Variants in SORCS3 observed in about 807,000 individuals in gnomAD.
SORCS3 encodes the protein VPS10 domain-containing receptor SorCS3.
Under a neutral mutation model 146.3 loss-of-function variants are expected in SORCS3, and 57 were observed. The observed-to-expected ratio is 0.39, with a 90% confidence interval of 0.31 to 0.49. SORCS3 has a LOEUF of 0.49. Ranked by LOEUF, SORCS3 falls within the 20% of genes least tolerant of loss-of-function variation. The pLI is 0.92. For synonymous variants in SORCS3, 653 were observed against 618.5 expected (o/e 1.06, Z -0.83); for missense variants, 1,341 against 1,575.5 (o/e 0.85, Z 2.52).
chr10:105,196,254 C>T (rs933269807), intron 14 of SORCS3, among the ~76,000 whole-genome samples: 2 of 152,160 alleles, frequency 1.3e-5, no homozygotes, highest in Admixed American at 1.3e-4. Context: ...AATTTCTATG[C>T]TTACTAACTT....
At chr10:104,807,023 G>A (rs1037320326) in intron 1 of SORCS3, among the ~76,000 whole-genome samples, 1 of 151,894 alleles carries the variant, frequency 6.6e-6, no homozygotes, top group Non-Finnish European at 1.5e-5. Context: ...ATTCTTTAGA[G>A]TACATCCTAA....
chr10:104,667,182 G>C (rs567206236), intron 1 of SORCS3, among the ~76,000 whole-genome samples: 2 of 152,184 alleles, frequency 1.3e-5, no homozygotes, highest in Non-Finnish European at 2.9e-5. Flanking sequence ...TTGGGACAAG[G>C]CTCTGAACCT....
At chr10:104,696,329 A>AG (rs2016190596) in intron 1 of SORCS3, among the ~76,000 whole-genome samples, 2 of 68,634 alleles carry the variant, frequency 2.9e-5, no homozygotes, top group Non-Finnish European at 4.9e-5. Flanking sequence ...TATCATATAC[A>AG]CATATGATAT....
chr10:105,095,589 G>T (rs1224081507), intron 6 of SORCS3, among the ~76,000 whole-genome samples: 1 of 152,066 alleles, frequency 6.6e-6, no homozygotes, highest in African/African-American at 2.4e-5. Flanking sequence ...CCTGGTAGAG[G>T]GTTGCACTGC....
intron 2 of SORCS3, among the ~76,000 whole-genome samples, chr10:104,860,466 GC>G (rs1195808838): frequency 6.8e-6 from 1 of 146,716 alleles, no homozygotes; most frequent in African/African-American, 2.5e-5. Context: ...TATACCTAAT[GC>G]TAAATGACGA....
intron 11 of SORCS3, among the ~76,000 whole-genome samples, chr10:105,162,831 G>T (rs1163328968): frequency 6.6e-6 from 1 of 152,142 alleles, no homozygotes; most frequent in Non-Finnish European, 1.5e-5. Context: ...GAGCAACAGT[G>T]CTCCTGCCTC....
At chr10:104,675,695 T>C (rs947423930) in intron 1 of SORCS3, among the ~76,000 whole-genome samples, 1 of 152,210 alleles carries the variant, frequency 6.6e-6, no homozygotes, top group Admixed American at 6.5e-5. Context: ...TTTGTGAACT[T>C]TCTATTTGGT....
chr10:104,746,223 G>A (rs1172724620), intron 1 of SORCS3, among the ~76,000 whole-genome samples: 3 of 149,568 alleles, frequency 2.0e-5, no homozygotes, highest in Admixed American at 6.7e-5. Flanking sequence ...TGCAAGCTCC[G>A]CCTCCCAGGT....
chr10:105,112,779 AT>A (rs2055867023), intron 7 of SORCS3, among the ~76,000 whole-genome samples: 1 of 152,132 alleles, frequency 6.6e-6, no homozygotes, highest in Non-Finnish European at 1.5e-5. Flanking sequence ...GAGGCAGATT[AT>A]TTTTTATTCC....
intron 5 of SORCS3, among the ~76,000 whole-genome samples, chr10:105,054,411 A>T (rs2055432760): frequency 6.6e-6 from 1 of 151,804 alleles, no homozygotes; most frequent in Non-Finnish European, 1.5e-5. Flanking sequence ...TTAGATATAT[A>T]TAAAAGGCAT....
At chr10:104,805,069 C>T (rs1034444152) in intron 1 of SORCS3, among the ~76,000 whole-genome samples, 2 of 152,188 alleles carry the variant, frequency 1.3e-5, no homozygotes, top group Non-Finnish European at 2.9e-5. Context: ...ACCTCACTCA[C>T]ACATAATGAA....
chr10:105,261,238 T>C (rs1173353579), intron 25 of SORCS3, among the ~76,000 whole-genome samples: 1 of 152,130 alleles, frequency 6.6e-6, no homozygotes, highest in African/African-American at 2.4e-5. Flanking sequence ...ATGTTTATAA[T>C]GGAAAGTTGG....
chr10:105,171,162 C>A (rs1429572619), intron 13 of SORCS3, among the ~76,000 whole-genome samples: 1 of 152,196 alleles, frequency 6.6e-6, no homozygotes, highest in East Asian at 1.9e-4. Flanking sequence ...AATTGAAAAG[C>A]TGGGGAAACT....
chr10:105,053,496 A>G (rs1273406107), intron 5 of SORCS3, among the ~76,000 whole-genome samples: 1 of 152,112 alleles, frequency 6.6e-6, no homozygotes, highest in Non-Finnish European at 1.5e-5. Context: ...GAAGGCAAGA[A>G]AATAAAAAGA....
At chr10:105,247,603 C>T (rs2056874789) in intron 22 of SORCS3, among the ~76,000 whole-genome samples, 1 of 152,112 alleles carries the variant, frequency 6.6e-6, no homozygotes, top group Admixed American at 6.5e-5. Context: ...CAAAAATTAG[C>T]TGCATGTGGT....
chr10:104,744,532 G>A (rs1238936700), intron 1 of SORCS3, among the ~76,000 whole-genome samples: 2 of 152,156 alleles, frequency 1.3e-5, no homozygotes, highest in Non-Finnish European at 2.9e-5. Context: ...TATCTCCACT[G>A]TTACAATGAA....
chr10:105,050,036 T>TAC (rs35011679), intron 5 of SORCS3, among the ~76,000 whole-genome samples: 27,840 of 149,244 alleles, frequency 0.19, 2,832 homozygotes, highest in Non-Finnish European at 0.23. Flanking sequence ...TATATATACA[T>TAC]ACACACACAC....
intron 3 of SORCS3, among the ~76,000 whole-genome samples, chr10:104,925,546 G>A (rs546678185): frequency 2.6e-5 from 4 of 152,270 alleles, no homozygotes; most frequent in Admixed American, 1.3e-4. Flanking sequence ...AGATGAGTGG[G>A]GAAATGAATA....
At chr10:105,069,700 T>G (rs1395242985) in intron 5 of SORCS3, among the ~76,000 whole-genome samples, 1 of 152,180 alleles carries the variant, frequency 6.6e-6, no homozygotes, top group Non-Finnish European at 1.5e-5. Flanking sequence ...TGTCCCAAGG[T>G]AATTCTCTGT....
Sources: gnomAD v4.1 joint callset for allele counts (sites outside exome capture counted in the v4.1 genomes callset) on GRCh38, gnomAD v4.1.1 for gene constraint, MANE v1.5 for transcripts, NCBI Gene and HGNC (gene_info 2026-07-23, HGNC 2026-07-21) for gene names.